PBX1: variants seen among roughly 807,000 people sequenced by gnomAD.
The protein encoded by PBX1 is PBX homeobox 1, also known as pre-B-cell leukemia transcription factor 1.
Under a neutral mutation model 53.4 loss-of-function variants are expected in PBX1, and 6 were observed. The observed-to-expected ratio is 0.11, with a 90% CI of 0.06 to 0.22. PBX1 has a LOEUF of 0.22. Among genes scored for constraint, PBX1 ranks in the 10% least tolerant of loss-of-function variants. PBX1 has a pLI of 1.00. For synonymous variants in PBX1, 204 were observed against 212.3 expected (o/e 0.96, Z 0.34); for missense variants, 251 against 551.4 (o/e 0.46, Z 5.46).
At chr1:164,821,967 G>A (rs1223958908) in intron 8 of PBX1, among the ~76,000 whole-genome samples, 1 of 152,134 alleles carries the variant, frequency 6.6e-6, no homozygotes, top group Non-Finnish European at 1.5e-5. Flanking sequence ...TGGGGCCTGG[G>A]AACCTGGGAG....
intron 2 of PBX1, among the ~76,000 whole-genome samples, chr1:164,631,773 T>C (rs934042454): frequency 1.3e-5 from 2 of 152,246 alleles, no homozygotes; most frequent in Non-Finnish European, 1.5e-5. Flanking sequence ...TCAGCTATTG[T>C]AGCACGTGAA....
At chr1:164,870,251 T>TTCCTTCCA (rs1672324428) in intron 2 of PBX1, among the ~76,000 whole-genome samples, 1 of 65,912 alleles carries the variant, frequency 1.5e-5, no homozygotes, top group African/African-American at 6.4e-5. Context: ...CCTTCCTTCC[T>TTCCTTCCA]TCCTTCCTTC....
At chr1:164,563,843 G>A (rs1424116481) in intron 2 of PBX1, 1 of 152,340 alleles carries the variant, frequency 6.6e-6, no homozygotes, top group Non-Finnish European at 1.5e-5. Flanking sequence ...TGAGTGGCCT[G>A]TGATTTTATT....
chr1:164,876,845 G>C (rs1357689689), intron 2 of PBX1, among the ~76,000 whole-genome samples: 1 of 152,118 alleles, frequency 6.6e-6, no homozygotes, highest in African/African-American at 2.4e-5. Context: ...TTAGGACACA[G>C]TTGTATGATG....
intron 2 of PBX1, among the ~76,000 whole-genome samples, chr1:164,677,467 A>G (rs2101987905): frequency 1.3e-5 from 2 of 152,242 alleles, no homozygotes; most frequent in Non-Finnish European, 2.9e-5. Context: ...ATCCTTAAGA[A>G]AAGTATAAGA....
At chr1:164,741,735 A>AGTGTGT (rs1472287507) in intron 2 of PBX1, among the ~76,000 whole-genome samples, 1 of 83,518 alleles carries the variant, frequency 1.2e-5, no homozygotes, top group Non-Finnish European at 2.6e-5. Context: ...AGCATGTATG[A>AGTGTGT]GTGAGTGTGT....
chr1:164,566,306 G>C (rs887443837), intron 2 of PBX1, among the ~76,000 whole-genome samples: 1 of 152,058 alleles, frequency 6.6e-6, no homozygotes, highest in Non-Finnish European at 1.5e-5. Flanking sequence ...CAGAATGTGG[G>C]TAGTTTTTAT....
chr1:164,753,161 A>G (rs1666323228), intron 2 of PBX1, among the ~76,000 whole-genome samples: 1 of 152,210 alleles, frequency 6.6e-6, no homozygotes, highest in African/African-American at 2.4e-5. Flanking sequence ...TTGGCTCTCA[A>G]AAGTTCTTAA....
At chr1:164,758,817 G>A (rs1666660229) in intron 2 of PBX1, among the ~76,000 whole-genome samples, 1 of 151,770 alleles carries the variant, frequency 6.6e-6, no homozygotes, top group African/African-American at 2.4e-5. Context: ...CTGAGTGCCT[G>A]TTGTGCTCAC....
At chr1:164,870,213 CTTT>C (rs1672318658) in intron 2 of PBX1, among the ~76,000 whole-genome samples, 3 of 67,796 alleles carry the variant, frequency 4.4e-5, no homozygotes, top group Non-Finnish European at 1.0e-4. Flanking sequence ...TCTTTCTTTT[CTTT>C]CTTTCCTTCC....
intron 2 of PBX1, among the ~76,000 whole-genome samples, chr1:164,715,581 T>G (rs1664039733): frequency 6.6e-6 from 1 of 152,208 alleles, no homozygotes; most frequent in African/African-American, 2.4e-5. Flanking sequence ...ACTCCTGTTG[T>G]TGTCTAGTGC....
At chr1:164,563,375 C>A in intron 2 of PBX1, 64 bp downstream of exon 2, 1 of 1,017,596 alleles carries the variant, frequency 9.8e-7, no homozygotes, top group South Asian at 1.4e-5. Flanking sequence ...AACCAGCAGT[C>A]ACAAATCTAT....
intron 2 of PBX1, among the ~76,000 whole-genome samples, chr1:164,749,853 G>C (rs1056683360): frequency 6.6e-6 from 1 of 152,156 alleles, no homozygotes; most frequent in Non-Finnish European, 1.5e-5. Context: ...TGGGAATGAG[G>C]GTTTGAATGA....
chr1:164,773,392 C>T (rs1037681375), intron 2 of PBX1, among the ~76,000 whole-genome samples: 2 of 152,108 alleles, frequency 1.3e-5, no homozygotes, highest in African/African-American at 4.8e-5. Flanking sequence ...TGCTGACACA[C>T]GGTATATCTT....
intron 2 of PBX1, among the ~76,000 whole-genome samples, chr1:164,882,505 A>G (rs930273919): frequency 4.6e-5 from 7 of 152,234 alleles, no homozygotes; most frequent in African/African-American, 1.7e-4. Flanking sequence ...TCAAATGTGA[A>G]AAGTCTATAG....
intron 2 of PBX1, chr1:164,626,006 A>G: frequency 9.6e-7 from 1 of 1,041,874 alleles, no homozygotes; most frequent in Non-Finnish European, 1.2e-6. Context: ...TGTTCGGCAC[A>G]GAGTACTCTC....
At position 164,716,456 on chromosome 1, in the gene PBX1, T is replaced by C. The variant is rs1472671556; in HGVS notation, c.266-76038T>C. ...AGTGCCAGCAGCAAGAATTTTGATC[T>C]GTAAACATTCTGATGATGGCAGATG... On this transcript the variant is annotated intron_variant, in intron 2 of 8. Coordinates refer to ENST00000420696, the MANE Select transcript of PBX1 (RefSeq NM_002585.4). 2.0e-5 allele frequency among the ~76,000 whole-genome samples: 3 copies of C among 152,202 alleles called. No homozygotes were observed. In the East Asian group the frequency reaches 5.8e-4, roughly 29 times the overall value.
intron 2 of PBX1, among the ~76,000 whole-genome samples, chr1:164,663,196 T>TCCTGCCTTCCTG (rs1660597570): frequency 6.7e-6 from 1 of 148,680 alleles, no homozygotes; most frequent in Admixed American, 6.8e-5. Context: ...CTGTCTTCCT[T>TCCTGCCTTCCTG]CCTGCCTTCC....
At chr1:164,778,686 A>G (rs955382989) in intron 2 of PBX1, among the ~76,000 whole-genome samples, 1 of 152,064 alleles carries the variant, frequency 6.6e-6, no homozygotes, top group African/African-American at 2.4e-5. Flanking sequence ...TGAGAAAACT[A>G]CATGTGTGTC....
Sources: allele counts gnomAD v4.1 joint callset (sites outside exome capture counted in the v4.1 genomes callset), GRCh38; gene constraint gnomAD v4.1.1; transcripts MANE v1.5; gene names NCBI Gene and HGNC (gene_info 2026-07-23, HGNC 2026-07-21).